NREP: variants seen among roughly 807,000 people sequenced by gnomAD.
NREP encodes neuronal regeneration-related protein.
A neutral mutation model predicts 8.6 loss-of-function variants in NREP; 5 were observed. The observed-to-expected ratio is 0.58, with a 90% CI of 0.30 to 1.22. The LOEUF is 1.22. NREP is among the 50% of genes most tolerant of loss of function. The pLI is 0.07. For synonymous variants in NREP, 27 were observed against 28.0 expected (o/e 0.96, Z 0.11); for missense variants, 86 against 82.5 (o/e 1.04, Z -0.17).
In NREP at chr5:111,757,148, C is replaced by T; in HGVS notation, c.-71G>A. 1 of 977,612 alleles carries T rather than the reference C, an allele frequency of 1.0e-6. No homozygotes were observed. The highest frequency in any genetic ancestry group is 4.7e-5 in the South Asian group (1 of 21,080). The allele number at this position is 977,612 out of a possible 1,614,324, so 60.6% of individuals were successfully genotyped here. A position where few individuals can be genotyped will look rare whatever the true frequency, so the allele number is the denominator to read the frequency against. ...GGCATATACTTACAGACAAAAGCCC[C>T]GCTCCCTGTTCACTCTCTCTCCTCT... On this transcript the variant is annotated 5_prime_UTR_variant, in exon 1 of 4. Transcript: ENST00000257435.
chr5:111,831,299 A>C (rs919179306), intron 2 of NREP, among the ~76,000 whole-genome samples: 1 of 151,918 alleles, frequency 6.6e-6, no homozygotes. Context: ...TCTCTCCTCC[A>C]CTGACATCCT....
upstream of NREP, among the ~76,000 whole-genome samples, chr5:111,761,569 G>T (rs6870094): frequency 1.9e-3 from 285 of 152,250 alleles, 3 homozygotes; most frequent in African/African-American, 6.7e-3. Context: ...ACCTGAACTT[G>T]GACTTTATTT....
intron 2 of NREP, among the ~76,000 whole-genome samples, chr5:111,830,806 A>T (rs1752749076): frequency 6.6e-6 from 1 of 152,214 alleles, no homozygotes; most frequent in South Asian, 2.1e-4. Context: ...GGACACCATG[A>T]TTCTACTGAT....
At chr5:111,779,948 G>A (rs1481298213) in intron 2 of NREP, among the ~76,000 whole-genome samples, 1 of 152,134 alleles carries the variant, frequency 6.6e-6, no homozygotes, top group Admixed American at 6.5e-5. Flanking sequence ...TATTCATAAT[G>A]TCTGAGGCTG....
At chr5:111,909,138 C>CAT (rs1754846037) in intron 2 of NREP, among the ~76,000 whole-genome samples, 1 of 151,896 alleles carries the variant, frequency 6.6e-6, no homozygotes, top group South Asian at 2.1e-4. Context: ...TTCTCTGATG[C>CAT]ATAGTTCGCG....
chr5:111,930,306 T>C (rs1215170548), intron 2 of NREP, among the ~76,000 whole-genome samples: 1 of 152,138 alleles, frequency 6.6e-6, no homozygotes, highest in Admixed American at 6.5e-5. Flanking sequence ...CAAATTCCAC[T>C]CCATCTGTTA....
chr5:111,853,201 AG>A (rs1242912111), intron 2 of NREP, among the ~76,000 whole-genome samples: 1 of 152,148 alleles, frequency 6.6e-6, no homozygotes, highest in Non-Finnish European at 1.5e-5. Context: ...CTATATAGAC[AG>A]TAGAAAAATC....
chr5:111,946,107 A>C (rs1346912703), intron 2 of NREP, among the ~76,000 whole-genome samples: 2 of 138,720 alleles, frequency 1.4e-5, no homozygotes, highest in African/African-American at 6.0e-5. Context: ...CACACATAAG[A>C]AAATAAATTT....
At chr5:111,840,275 G>C (rs1008445017) in intron 2 of NREP, among the ~76,000 whole-genome samples, 2 of 151,770 alleles carry the variant, frequency 1.3e-5, no homozygotes, top group Admixed American at 1.3e-4. Context: ...TTGTATGCTC[G>C]GGATTTTTTT....
intron 2 of NREP, among the ~76,000 whole-genome samples, chr5:111,845,442 T>A (rs1247363849): frequency 6.6e-6 from 1 of 152,168 alleles, no homozygotes; most frequent in Non-Finnish European, 1.5e-5. Flanking sequence ...GATATCACTC[T>A]CTGAAGGCAT....
At chr5:111,777,398 G>A (rs1363701427) in intron 2 of NREP, among the ~76,000 whole-genome samples, 1 of 151,766 alleles carries the variant, frequency 6.6e-6, no homozygotes, top group Non-Finnish European at 1.5e-5. Flanking sequence ...TATTTATTAT[G>A]AGAATCTAAC....
chr5:111,732,224 T>A (rs1448588647), intron 3 of NREP: 2 of 152,192 alleles, frequency 1.3e-5, no homozygotes, highest in African/African-American at 4.8e-5. Context: ...AATTTCTTTT[T>A]AAGAATTCAG....
intron 2 of NREP, among the ~76,000 whole-genome samples, chr5:111,973,713 T>C (rs927305723): frequency 6.6e-6 from 1 of 152,226 alleles, no homozygotes; most frequent in African/African-American, 2.4e-5. Flanking sequence ...GGTCTGTTAT[T>C]TTTGTGATTT....
At chr5:111,901,361 A>C (rs1754642299) in intron 2 of NREP, among the ~76,000 whole-genome samples, 1 of 152,184 alleles carries the variant, frequency 6.6e-6, no homozygotes, top group Non-Finnish European at 1.5e-5. Flanking sequence ...ACAAACTCAC[A>C]GCTAACATCA....
chr5:111,868,360 G>C (rs1445064669), intron 2 of NREP, among the ~76,000 whole-genome samples: 1 of 152,120 alleles, frequency 6.6e-6, no homozygotes, highest in Non-Finnish European at 1.5e-5. Context: ...TTTCTTTGCA[G>C]AGCAAAGAAA....
At chr5:111,819,500 G>C (rs1336614323) in intron 2 of NREP, among the ~76,000 whole-genome samples, 4 of 152,278 alleles carry the variant, frequency 2.6e-5, no homozygotes, top group African/African-American at 7.2e-5. Flanking sequence ...GAAAATTAAT[G>C]TTCGAGCACT....
intron 2 of NREP, among the ~76,000 whole-genome samples, chr5:111,747,939 C>A (rs1039542115): frequency 2.0e-5 from 3 of 152,144 alleles, no homozygotes; most frequent in African/African-American, 7.2e-5. Context: ...TAAAAGATTT[C>A]ATTACCCTGT....
chr5:111,839,517 T>C (rs759702854), intron 2 of NREP, among the ~76,000 whole-genome samples: 1 of 152,150 alleles, frequency 6.6e-6, no homozygotes, highest in Non-Finnish European at 1.5e-5. Flanking sequence ...AGTATGTTCT[T>C]ACCAAAATTC....
intron 2 of NREP, among the ~76,000 whole-genome samples, chr5:111,875,872 G>C (rs151319926): frequency 3.3e-4 from 51 of 152,246 alleles, no homozygotes; most frequent in African/African-American, 1.2e-3. Flanking sequence ...GGCAAAAAAA[G>C]AGAATAGCTC....
Sources: allele counts gnomAD v4.1 joint callset (sites outside exome capture counted in the v4.1 genomes callset), GRCh38; gene constraint gnomAD v4.1.1; transcripts MANE v1.5; gene names NCBI Gene and HGNC (gene_info 2026-07-23, HGNC 2026-07-21).